OASL: variants seen among roughly 807,000 people sequenced by gnomAD.
OASL encodes the protein 2'-5'-oligoadenylate synthetase like, also known as 2'-5'-oligoadenylate synthase-like protein.
OASL carries 28 observed loss-of-function variants against 35.3 expected under a neutral mutation model. The ratio of observed to expected loss-of-function variants is 0.79; its 90% CI spans 0.59 to 1.09. The LOEUF (loss-of-function observed/expected upper bound fraction) is 1.09. Among genes scored for constraint, OASL ranks in the 50% least tolerant of loss-of-function variants. The pLI is 0.00. For missense variants in OASL, 620 were observed against 635.2 expected (o/e 0.98, Z 0.26); for synonymous variants, 252 against 254.6 (o/e 0.99, Z 0.10).
intron 1 of OASL, among the ~76,000 whole-genome samples, chr12:121,038,252 C>G (rs1392482708): frequency 6.6e-6 from 1 of 152,196 alleles, no homozygotes; most frequent in Admixed American, 6.5e-5. Flanking sequence ...CACCAAGGAA[C>G]TTTGTCCCTA....
intron 1 of OASL, among the ~76,000 whole-genome samples, chr12:121,037,894 C>A (rs1394191658): frequency 6.6e-6 from 1 of 152,088 alleles, no homozygotes; most frequent in East Asian, 1.9e-4. Context: ...AGTTCGAGAC[C>A]AGCATGGGCA....
chr12:121,033,795 A>G, intron 1 of OASL, 52 bp from the exon 2 acceptor site: 1 of 1,581,598 alleles, frequency 6.3e-7, no homozygotes, highest in African/African-American at 1.3e-5. Flanking sequence ...TGAGCCAGGC[A>G]ACCCCTGCGG....
At chr12:121,027,188 C>G (rs990572328) in intron 4 of OASL, among the ~76,000 whole-genome samples, 15 of 152,188 alleles carry the variant, frequency 9.9e-5, no homozygotes, top group African/African-American at 2.9e-4. Flanking sequence ...CCAGTTTACT[C>G]CTGTCTTATG....
downstream of OASL, among the ~76,000 whole-genome samples, chr12:121,018,710 TAAAAAAAAAATTAGCTGGGCAC>T (rs1869123486): frequency 6.8e-6 from 1 of 146,268 alleles, no homozygotes; most frequent in Non-Finnish European, 1.5e-5. Context: ...CTACTAAAAA[TAAAAAAAAAATTAGCTGGGCAC>T]AGTGGTAGGT....
At chr12:121,025,432 T>G (rs1869438576) in intron 4 of OASL, among the ~76,000 whole-genome samples, 1 of 152,184 alleles carries the variant, frequency 6.6e-6, no homozygotes, top group Admixed American at 6.5e-5. Context: ...ATCTTGGGCT[T>G]GCTTATTAAC....
intron 1 of OASL, among the ~76,000 whole-genome samples, chr12:121,035,835 A>T (rs1034295205): frequency 2.6e-5 from 4 of 152,118 alleles, no homozygotes; most frequent in African/African-American, 7.2e-5. Context: ...AATGAAGGAC[A>T]CATTCCCCCC....
intron 2 of OASL, among the ~76,000 whole-genome samples, chr12:121,032,219 T>C (rs572683132): frequency 4.4e-4 from 67 of 151,860 alleles, no homozygotes; most frequent in African/African-American, 1.0e-3. Context: ...TATAAACTCA[T>C]AGGGAGAACC....
chr12:121,020,415 G>T, exon 6 of OASL: 1 of 868,186 alleles, frequency 1.2e-6, no homozygotes, highest in Admixed American at 2.7e-5. Flanking sequence ...GATTACAGGT[G>T]TGAGCTACCA....
In OASL at chr12:121,023,842, A is replaced by G. The variant is rs1869358577; in HGVS notation, c.1047+148T>C. ...AGAGCCAAAGAATTTGTCCAAGTTC[A>G]CGGAGCCCATGGGTGGTGCAGCTGG... On this transcript the variant is annotated intron_variant, in intron 5 of 5. Transcript: ENST00000257570. 7 of 838,188 alleles carry G rather than the reference A, an allele frequency of 8.4e-6. No individual in the cohort carries two copies. In the East Asian group the frequency reaches 1.8e-4, roughly 22 times the overall value. The allele number at this position is 838,188 out of a possible 1,614,324, so 51.9% of individuals were successfully genotyped here.
At chr12:121,026,048 G>A (rs766346206) in intron 4 of OASL, among the ~76,000 whole-genome samples, 2 of 152,180 alleles carry the variant, frequency 1.3e-5, no homozygotes, top group African/African-American at 2.4e-5. Context: ...CCGTGACCAG[G>A]AATCAGACTG....
At chr12:121,021,279 CTGT>C (rs1869225692) in intron 5 of OASL, among the ~76,000 whole-genome samples, 1 of 152,294 alleles carries the variant, frequency 6.6e-6, no homozygotes, top group East Asian at 1.9e-4. Flanking sequence ...GTTGGTTCTA[CTGT>C]TACCCCCATG....
At chr12:121,025,768 A>C (rs1053584251) in intron 4 of OASL, among the ~76,000 whole-genome samples, 20 of 151,414 alleles carry the variant, frequency 1.3e-4, no homozygotes, top group African/African-American at 2.4e-4. Context: ...TTAAAAAAAA[A>C]AAAACAAAAC....
At chr12:121,039,044 CT>C (rs1565908846) in exon 1 of OASL, 1 of 1,308,078 alleles carries the variant, frequency 7.6e-7, no homozygotes, top group Non-Finnish European at 1.1e-6. Context: ...CACACACCTC[CT>C]TTTTTAAGGT....
chr12:121,031,430 C>T lies in OASL; in HGVS notation c.657+12G>A, dbSNP rs1382498781. 1 of 1,610,964 alleles carries T rather than the reference C, an allele frequency of 6.2e-7. No individual in the cohort carries two copies. Reference sequence around the variant, plus strand: ...CCTCTCCTTGCCCCTGCCATCCTGGCAGCCCCCTCACCTGCTGGTACCAGT... The same window carrying T: ...CCTCTCCTTGCCCCTGCCATCCTGGTAGCCCCCTCACCTGCTGGTACCAGT... On this transcript the variant is annotated intron_variant, in intron 3 of 5. Transcript: ENST00000257570.
chr12:121,029,895 T>A (rs573543793), intron 3 of OASL, among the ~76,000 whole-genome samples: 4 of 152,274 alleles, frequency 2.6e-5, no homozygotes, highest in African/African-American at 9.6e-5. Context: ...ATGCCTGTAA[T>A]CTGTAAGATG....
intron 5 of OASL, among the ~76,000 whole-genome samples, chr12:121,021,468 T>C (rs1869233200): frequency 6.6e-6 from 1 of 152,194 alleles, no homozygotes; most frequent in Non-Finnish European, 1.5e-5. Flanking sequence ...GGAGAGCACC[T>C]GGAAAATGCT....
At chr12:121,027,989 G>A (rs1191459309) in intron 3 of OASL, among the ~76,000 whole-genome samples, 172 bp from the exon 4 acceptor site, 1 of 152,180 alleles carries the variant, frequency 6.6e-6, no homozygotes, top group African/African-American at 2.4e-5. Flanking sequence ...CACCATTTTA[G>A]AATTAAAGGG....
At chr12:121,028,301 A>T (rs1565905341) in intron 3 of OASL, among the ~76,000 whole-genome samples, 3 of 151,934 alleles carry the variant, frequency 2.0e-5, no homozygotes, top group Non-Finnish European at 1.5e-5. Flanking sequence ...GAAGGGGTTG[A>T]CCCCCACCCG....
chr12:121,024,417 GA>G (rs1869393651), intron 4 of OASL, among the ~76,000 whole-genome samples: 1 of 152,134 alleles, frequency 6.6e-6, no homozygotes, highest in Non-Finnish European at 1.5e-5. Flanking sequence ...AGGAGTTCAA[GA>G]CCAGCCTGGC....
Sources: gnomAD v4.1 joint callset for allele counts (sites outside exome capture counted in the v4.1 genomes callset) on GRCh38, gnomAD v4.1.1 for gene constraint, MANE v1.5 for transcripts, NCBI Gene and HGNC (gene_info 2026-07-23, HGNC 2026-07-21) for gene names.